The following CATSPERB variants were observed in gnomAD, a reference collection of about 807,000 sequenced individuals.
The protein encoded by CATSPERB is cation channel sperm-associated auxiliary subunit beta.
In CATSPERB, 93 loss-of-function variants were observed where a neutral mutation model predicts 128.3. The ratio of observed to expected loss-of-function variants is 0.72; its 90% CI spans 0.61 to 0.86. The LOEUF (loss-of-function observed/expected upper bound fraction) is 0.86, where lower values mean the gene tolerates loss of function less well. CATSPERB is among the 40% of genes least tolerant of loss of function. The pLI, the probability that CATSPERB is intolerant of heterozygous loss-of-function variation, is 0.00. For synonymous variants in CATSPERB, 381 were observed against 448.8 expected (o/e 0.85, Z 1.91); for missense variants, 1,153 against 1,329.5 (o/e 0.87, Z 2.06).
intron 16 of CATSPERB, among the ~76,000 whole-genome samples, chr14:91,638,726 A>G (rs1039203150): frequency 6.6e-6 from 1 of 152,180 alleles, no homozygotes; most frequent in African/African-American, 2.4e-5. Context: ...CTGGCCTCAC[A>G]ACCCATGTTT....
At chr14:91,703,642 G>A (rs1410866905) in intron 7 of CATSPERB, among the ~76,000 whole-genome samples, 2 of 152,190 alleles carry the variant, frequency 1.3e-5, no homozygotes, top group Non-Finnish European at 2.9e-5. Flanking sequence ...TCTCCTTACA[G>A]TGCAGGTTTT....
chr14:91,697,644 C>T (rs1895585692), intron 7 of CATSPERB, among the ~76,000 whole-genome samples: 1 of 152,106 alleles, frequency 6.6e-6, no homozygotes, highest in African/African-American at 2.4e-5. Flanking sequence ...GGGTCTTTTC[C>T]CTAATGCTTA....
chr14:91,688,385 A>G (rs1466363678), intron 10 of CATSPERB, among the ~76,000 whole-genome samples: 1 of 152,100 alleles, frequency 6.6e-6, no homozygotes, highest in Non-Finnish European at 1.5e-5. Flanking sequence ...TAACCTTAAA[A>G]CTGAGGAATA....
chr14:91,659,389 G>A (rs1894837438), intron 15 of CATSPERB, among the ~76,000 whole-genome samples: 1 of 152,160 alleles, frequency 6.6e-6, no homozygotes, highest in African/African-American at 2.4e-5. Context: ...CTTGATCAAT[G>A]AAAGCACAAG....
chr14:91,621,118 A>T (rs929458518), intron 19 of CATSPERB, among the ~76,000 whole-genome samples: 7 of 152,184 alleles, frequency 4.6e-5, no homozygotes, highest in African/African-American at 1.7e-4. Flanking sequence ...GTATAGAAAT[A>T]TGGCTGAGCG....
intron 15 of CATSPERB, among the ~76,000 whole-genome samples, chr14:91,645,833 C>T (rs1462953834): frequency 2.0e-5 from 3 of 150,524 alleles, no homozygotes; most frequent in Admixed American, 6.6e-5. Flanking sequence ...AGTTTGATCT[C>T]AGACTGCTGT....
At chr14:91,622,526 C>G (rs528156703) in intron 18 of CATSPERB, among the ~76,000 whole-genome samples, 2 of 152,160 alleles carry the variant, frequency 1.3e-5, no homozygotes, top group South Asian at 4.1e-4. Flanking sequence ...ATCAATGAAG[C>G]CAAGGAAGGC....
chr14:91,722,085 A>G (rs1248322014), intron 4 of CATSPERB, among the ~76,000 whole-genome samples: 2 of 152,190 alleles, frequency 1.3e-5, no homozygotes, highest in Non-Finnish European at 2.9e-5. Context: ...ACAAGCTGCT[A>G]GTGAGAATGT....
intron 6 of CATSPERB, 32 bp from the exon 7 acceptor site, chr14:91,704,733 T>A: frequency 6.2e-7 from 1 of 1,601,330 alleles, no homozygotes; most frequent in Non-Finnish European, 8.5e-7. Context: ...GTTTAAATTG[T>A]GGGAGCACCC....
intron 15 of CATSPERB, among the ~76,000 whole-genome samples, chr14:91,657,181 C>G (rs1295295743): frequency 6.6e-6 from 1 of 151,928 alleles, no homozygotes; most frequent in African/African-American, 2.4e-5. Context: ...ACCAAATGGA[C>G]CTAATAGATA....
chr14:91,720,532 A>G (rs1301654695), intron 4 of CATSPERB, among the ~76,000 whole-genome samples: 2 of 152,058 alleles, frequency 1.3e-5, no homozygotes, highest in African/African-American at 4.8e-5. Flanking sequence ...TAACAAAAGA[A>G]GTATAAAACT....
rs1245403543 is a variant in CATSPERB at position 91,729,460 on chromosome 14, T to C, written c.20A>G (p.Tyr7Cys). 1 of 1,533,284 alleles carries C rather than the reference T, an allele frequency of 6.5e-7. No homozygotes were observed. The highest frequency in any genetic ancestry group is 1.2e-5 in the South Asian group (1 of 84,180). The allele number at this position is 1,533,284 out of a possible 1,614,324, so 95.0% of individuals were successfully genotyped here. A position where few individuals can be genotyped will look rare whatever the true frequency, so the allele number is the denominator to read the frequency against. The change falls in exon 2 of 27, where the codon TAT (tyrosine) becomes TGT (cysteine). Residue 7 changes from tyrosine to cysteine, a missense_variant. Transcript: ENST00000256343. Reference sequence around the variant, plus strand: ...TATGTTCAAAAGCAAAACTGAAACATATATAAGTGGCGATTCCATCTGTTG... The same window carrying C: ...TATGTTCAAAAGCAAAACTGAAACACATATAAGTGGCGATTCCATCTGTTG... MESPLI[Y>C]VSVLLLNIFE...
intron 26 of CATSPERB, among the ~76,000 whole-genome samples, chr14:91,584,131 C>T (rs150600059): frequency 5.4e-4 from 82 of 152,032 alleles, no homozygotes; most frequent in African/African-American, 1.8e-3. Context: ...TGCAGTGGTG[C>T]GATCTTGGCT....
chr14:91,623,265 G>A (rs547881916), intron 18 of CATSPERB, among the ~76,000 whole-genome samples: 7 of 152,118 alleles, frequency 4.6e-5, no homozygotes, highest in South Asian at 2.1e-4. Flanking sequence ...ACCTATTGGC[G>A]TTATGCAACA....
intron 14 of CATSPERB, 123 bp downstream of exon 14, chr14:91,669,691 G>T: frequency 1.1e-5 from 10 of 899,678 alleles, no homozygotes; most frequent in Non-Finnish European, 1.6e-5. Context: ...AATAAATATT[G>T]TCTTCCCTCC....
At chr14:91,657,900 A>G (rs1015362054) in intron 15 of CATSPERB, among the ~76,000 whole-genome samples, 1 of 152,182 alleles carries the variant, frequency 6.6e-6, no homozygotes, top group African/African-American at 2.4e-5. Flanking sequence ...GAGAAAAGGG[A>G]ACCCTTGTAC....
chr14:91,636,326 G>C (rs1378696994), intron 17 of CATSPERB, 99 bp downstream of exon 17: 6 of 1,066,072 alleles, frequency 5.6e-6, no homozygotes, highest in Non-Finnish European at 8.4e-6. Flanking sequence ...TCGCACTACT[G>C]CACTCCAGCC....
At chr14:91,693,295 C>G in intron 8 of CATSPERB, 51 bp from the exon 9 acceptor site, 2 of 1,547,350 alleles carry the variant, frequency 1.3e-6, no homozygotes, top group Non-Finnish European at 1.8e-6. Flanking sequence ...AAAGTGAGTT[C>G]CTTACTGAAG....
At chr14:91,660,031 T>C (rs767800793) in intron 14 of CATSPERB, 50 bp from the exon 15 acceptor site, 8 of 1,506,828 alleles carry the variant, frequency 5.3e-6, no homozygotes, top group African/African-American at 2.8e-5. Flanking sequence ...CATGCAACAG[T>C]TGGCAGTTAC....
Sources: gnomAD v4.1 joint callset for allele counts (sites outside exome capture counted in the v4.1 genomes callset) on GRCh38, gnomAD v4.1.1 for gene constraint, MANE v1.5 for transcripts, NCBI Gene and HGNC (gene_info 2026-07-23, HGNC 2026-07-21) for gene names.